The following SATB1 variants were observed in gnomAD, a reference collection of about 807,000 sequenced individuals.
SATB1 encodes SATB homeobox 1, also known as DNA-binding protein SATB1.
In SATB1, 11 loss-of-function variants were observed where a neutral mutation model predicts 86.9. The observed-to-expected ratio is 0.13, with a 90% CI of 0.08 to 0.21. SATB1 has a LOEUF of 0.21. SATB1 is among the 10% of genes least tolerant of loss of function. The pLI, the probability that SATB1 is intolerant of heterozygous loss-of-function variation, is 1.00. For synonymous variants in SATB1, 357 were observed against 357.2 expected (o/e 1.00, Z 0.01); for missense variants, 551 against 937.6 (o/e 0.59, Z 5.39).
intron 5 of SATB1, among the ~76,000 whole-genome samples, chr3:18,413,541 G>A (rs1244881178): frequency 6.6e-6 from 1 of 152,070 alleles, no homozygotes; most frequent in Non-Finnish European, 1.5e-5. Flanking sequence ...CATGTAACAT[G>A]TTATCTGGAG....
chr3:18,384,937 T>TAGTC (rs1559420334), intron 8 of SATB1, among the ~76,000 whole-genome samples: 1 of 152,220 alleles, frequency 6.6e-6, no homozygotes, highest in Non-Finnish European at 1.5e-5. Context: ...GATTTCCTTA[T>TAGTC]AGTCTGTTCC....
intron 2 of SATB1, chr3:18,417,307 G>A: frequency 1.7e-6 from 1 of 577,472 alleles, no homozygotes; most frequent in African/African-American, 1.9e-5. Context: ...TTGGTCCTAA[G>A]GTAAGCTGTG....
chr3:18,396,729 T>C (rs1207306024), intron 6 of SATB1, among the ~76,000 whole-genome samples: 2 of 152,308 alleles, frequency 1.3e-5, no homozygotes, highest in African/African-American at 4.8e-5. Context: ...TAAAAATCAC[T>C]TGATCTCTAC....
intron 9 of SATB1, among the ~76,000 whole-genome samples, chr3:18,376,014 T>A (rs1283211225): frequency 6.6e-6 from 1 of 152,144 alleles, no homozygotes. Context: ...AGAAGATGCT[T>A]GGAATTTGCT....
chr3:18,401,853 G>T (rs1404525491), intron 5 of SATB1, among the ~76,000 whole-genome samples: 1 of 152,086 alleles, frequency 6.6e-6, no homozygotes, highest in Non-Finnish European at 1.5e-5. Flanking sequence ...CTGAAGTTCC[G>T]ATCTGAAAGA....
chr3:18,413,410 A>G (rs1446732567), intron 5 of SATB1, among the ~76,000 whole-genome samples: 1 of 152,246 alleles, frequency 6.6e-6, no homozygotes, highest in South Asian at 2.1e-4. Context: ...TCCAAGATCA[A>G]TGGGACATTT....
intron 7 of SATB1, among the ~76,000 whole-genome samples, chr3:18,393,532 C>G (rs975666273): frequency 1.3e-5 from 2 of 152,086 alleles, no homozygotes; most frequent in Non-Finnish European, 2.9e-5. Context: ...CTCCATGACC[C>G]TCTTAAACAT....
chr3:18,406,260 T>C (rs1697525587), intron 5 of SATB1, among the ~76,000 whole-genome samples: 1 of 151,972 alleles, frequency 6.6e-6, no homozygotes, highest in Admixed American at 6.6e-5. Flanking sequence ...AAATGGAGTC[T>C]CTTATGCCAA....
intron 5 of SATB1, among the ~76,000 whole-genome samples, chr3:18,398,493 G>C (rs930341248): frequency 5.9e-5 from 9 of 152,124 alleles, no homozygotes; most frequent in Non-Finnish European, 2.9e-5. Flanking sequence ...AAGCCAGTTT[G>C]GGGACAAAAG....
chr3:18,418,429 CA>C (rs936215834), intron 2 of SATB1, among the ~76,000 whole-genome samples: 2 of 152,136 alleles, frequency 1.3e-5, no homozygotes, highest in African/African-American at 4.8e-5. Context: ...CTAGGTCTGA[CA>C]AAACCCTTTA....
chr3:18,395,117 G>A (rs186918927), intron 6 of SATB1, among the ~76,000 whole-genome samples: 1 of 152,134 alleles, frequency 6.6e-6, no homozygotes, highest in Non-Finnish European at 1.5e-5. Flanking sequence ...TTTGGAAATG[G>A]GACAGCATTC....
At chr3:18,385,883 T>C (rs543948650) in intron 8 of SATB1, among the ~76,000 whole-genome samples, 17 of 152,296 alleles carry the variant, frequency 1.1e-4, no homozygotes, top group South Asian at 8.3e-4. Context: ...ATGGATAGAA[T>C]TCCTTATCAG....
intron 9 of SATB1, among the ~76,000 whole-genome samples, chr3:18,357,090 G>A (rs1694683211): frequency 6.6e-6 from 1 of 151,726 alleles, no homozygotes; most frequent in Admixed American, 6.6e-5. Flanking sequence ...TGAAAAAACA[G>A]AATGGTAATT....
intron 2 of SATB1, among the ~76,000 whole-genome samples, chr3:18,430,665 A>C (rs1452868668): frequency 1.3e-5 from 2 of 152,234 alleles, no homozygotes; most frequent in Non-Finnish European, 1.5e-5. Context: ...AAAGCTTCAA[A>C]ATGTTGCAGG....
Position 18,386,432 on chromosome 3 carries a change from G to T in SATB1, c.1386C>A (p.Pro462=), listed in dbSNP as rs2229261. ...LNAASAMGPA[P]LISTPPSRPP... ...GACGGCTGGGTGGTGTGCTGATGAGGGGGGCAGGACCCATGGCCGAGGCAG... is the reference window on the plus strand; with the variant it reads ...GACGGCTGGGTGGTGTGCTGATGAGTGGGGCAGGACCCATGGCCGAGGCAG... Residue 462 remains proline, a synonymous_variant, in exon 8 of 11, where the codon CCC becomes CCA. Coordinates refer to ENST00000338745, the MANE Select transcript of SATB1 (RefSeq NM_002971.6). This position sits in a 1 kb window ranked among gnomAD's most constrained non-coding sequence, Gnocchi z 4.5. 979,609 of 1,613,252 alleles carry T rather than the reference G, an allele frequency of 0.61. 302,462 individuals are homozygous for T. Among genetic ancestry groups the T allele is most frequent in the East Asian group, 0.94 (41,978 of 44,852 alleles).
intron 8 of SATB1, among the ~76,000 whole-genome samples, chr3:18,383,181 G>T (rs927181778): frequency 6.6e-6 from 1 of 152,208 alleles, no homozygotes; most frequent in Non-Finnish European, 1.5e-5. Flanking sequence ...TGGAGCACAT[G>T]GGATACCTCT....
At chr3:18,428,741 C>T (rs1420641007), upstream of SATB1, among the ~76,000 whole-genome samples, 1 of 152,152 alleles carries the variant, frequency 6.6e-6, no homozygotes, top group African/African-American at 2.4e-5. Context: ...CATGAGAAGG[C>T]ATTATCCTGG....
Position 18,394,910 on chromosome 3 carries a change from A to G in SATB1, c.758T>C (p.Met253Thr). The G allele has an allele frequency of 1.3e-6, 2 of 1,582,358 alleles. No individual in the cohort carries two copies. The highest frequency in any genetic ancestry group is 1.7e-6 in the Non-Finnish European group (2 of 1,163,826). The change falls in exon 7 of 11, where the codon ATG (methionine) becomes ACG (threonine). Residue 253 changes from methionine (M) to threonine (T), a missense_variant. By Grantham distance (81) the Met-to-Thr change is moderately conservative. Coordinates refer to ENST00000338745, the MANE Select transcript of SATB1 (RefSeq NM_002971.6). This position sits in a 1 kb window ranked among gnomAD's most constrained non-coding sequence, Gnocchi z 5.9. Reference protein sequence around the residue: ...FKKTKDMMVEMDSLSELSQQG... With the variant: ...FKKTKDMMVETDSLSELSQQG... ...CTGGGATAGCTCAGAAAGACTATCC[A>G]TTTCAACTAAAGTGGACAAAGAGTA...
intron 7 of SATB1, among the ~76,000 whole-genome samples, chr3:18,391,292 T>G (rs747135597): frequency 1.1e-4 from 16 of 152,228 alleles, no homozygotes; most frequent in Non-Finnish European, 2.2e-4. Flanking sequence ...TTCTATCATA[T>G]TAAGGTCTTA....
Sources: allele counts gnomAD v4.1 joint callset (sites outside exome capture counted in the v4.1 genomes callset), GRCh38; gene constraint gnomAD v4.1.1; non-coding constraint Gnocchi (gnomAD v3.1); transcripts MANE v1.5; gene names NCBI Gene and HGNC (gene_info 2026-07-23, HGNC 2026-07-21).